MCTP1: variants seen among roughly 807,000 people sequenced by gnomAD.
The protein encoded by MCTP1 is multiple C2 and transmembrane domain containing 1.
A neutral mutation model predicts 120.6 loss-of-function variants in MCTP1; 69 were observed. That is an observed-to-expected ratio of 0.57 (90% confidence interval 0.47 to 0.70). MCTP1 has a LOEUF of 0.70. Among genes scored for constraint, MCTP1 ranks in the 30% least tolerant of loss-of-function variants. The pLI, the probability that MCTP1 is intolerant of heterozygous loss-of-function variation, is 0.00. For synonymous variants in MCTP1, 529 were observed against 493.1 expected, an observed-to-expected ratio of 1.07 and a Z score of -0.96; for missense variants, 1,203 against 1,248.8, an observed-to-expected ratio of 0.96 and a Z score of 0.55.
chr5:95,123,721 C>T (rs1444367180), intron 1 of MCTP1, among the ~76,000 whole-genome samples: 2 of 151,196 alleles, frequency 1.3e-5, no homozygotes, highest in African/African-American at 4.9e-5. Context: ...ACGATCTCGG[C>T]TCACTGCAAG....
chr5:95,047,382 T>C (rs1404747140), intron 1 of MCTP1, among the ~76,000 whole-genome samples: 1 of 152,166 alleles, frequency 6.6e-6, no homozygotes, highest in African/African-American at 2.4e-5. Context: ...ATGGCCAATT[T>C]ATTCTTTGAA....
chr5:95,141,151 A>T (rs1319747953), intron 1 of MCTP1, among the ~76,000 whole-genome samples: 1 of 152,230 alleles, frequency 6.6e-6, no homozygotes. Context: ...CAGCTTACTC[A>T]GGCTTATTAA....
intron 13 of MCTP1, 140 bp downstream of exon 13, chr5:94,872,999 T>C: frequency 3.2e-6 from 2 of 619,512 alleles, no homozygotes; most frequent in South Asian, 3.8e-5. Context: ...GGAAAATTCA[T>C]TGTTGTTAGC....
chr5:94,891,310 T>TG (rs1431875258), intron 11 of MCTP1, among the ~76,000 whole-genome samples: 1 of 152,188 alleles, frequency 6.6e-6, no homozygotes, highest in Non-Finnish European at 1.5e-5. Context: ...GGTTTCACTG[T>TG]GGGGGCGTTA....
intron 1 of MCTP1, among the ~76,000 whole-genome samples, chr5:95,232,188 T>C (rs1755037359): frequency 8.1e-6 from 1 of 122,882 alleles, no homozygotes; most frequent in Non-Finnish European, 1.7e-5. Flanking sequence ...CAGTCATAGC[T>C]AATAAACAAA....
At chr5:95,005,034 C>T (rs1052633183) in intron 2 of MCTP1, among the ~76,000 whole-genome samples, 13 of 152,208 alleles carry the variant, frequency 8.5e-5, no homozygotes, top group Non-Finnish European at 4.4e-5. Context: ...GCCACAGGGG[C>T]AGAGCTGCCC....
At chr5:94,814,849 C>G (rs942422968) in intron 17 of MCTP1, among the ~76,000 whole-genome samples, 4 of 152,112 alleles carry the variant, frequency 2.6e-5, no homozygotes, top group African/African-American at 9.7e-5. Flanking sequence ...CTGAAGAAAG[C>G]ACTACTGGAT....
intron 1 of MCTP1, among the ~76,000 whole-genome samples, chr5:95,027,414 G>C (rs1388694260): frequency 6.6e-6 from 1 of 152,184 alleles, no homozygotes; most frequent in Non-Finnish European, 1.5e-5. Flanking sequence ...AGGCAAAGAT[G>C]ATTAGAATGA....
chr5:94,719,142 TA>T (rs1303110627), intron 19 of MCTP1, among the ~76,000 whole-genome samples: 1 of 152,204 alleles, frequency 6.6e-6, no homozygotes, highest in Non-Finnish European at 1.5e-5. Flanking sequence ...TGGCTATTAT[TA>T]AAAAGTCAAG....
At chr5:95,204,176 C>T (rs1751373822) in intron 1 of MCTP1, among the ~76,000 whole-genome samples, 2 of 152,054 alleles carry the variant, frequency 1.3e-5, no homozygotes, top group Admixed American at 6.6e-5. Context: ...TCAATTTATT[C>T]CATTCCTATA....
chr5:95,131,065 T>C (rs1336195690), intron 1 of MCTP1, among the ~76,000 whole-genome samples: 1 of 152,234 alleles, frequency 6.6e-6, no homozygotes, highest in African/African-American at 2.4e-5. Context: ...TTCTGAGAAC[T>C]GCTAGTGGCC....
chr5:95,181,499 G>C (rs776355872), intron 1 of MCTP1, among the ~76,000 whole-genome samples: 1 of 152,124 alleles, frequency 6.6e-6, no homozygotes, highest in East Asian at 1.9e-4. Flanking sequence ...ATATAAAAGA[G>C]CACTTCCTGT....
chr5:94,778,103 T>C (rs1225647709), intron 19 of MCTP1, among the ~76,000 whole-genome samples: 1 of 152,128 alleles, frequency 6.6e-6, no homozygotes, highest in East Asian at 1.9e-4. Context: ...ACACAAATTC[T>C]TACACTGGGA....
chr5:94,904,198 C>T (rs969880241), intron 10 of MCTP1, among the ~76,000 whole-genome samples: 1 of 152,170 alleles, frequency 6.6e-6, no homozygotes, highest in African/African-American at 2.4e-5. Context: ...TTTTACTGAG[C>T]ACTCCATGGC....
chr5:94,820,036 T>C (rs1785302297), intron 17 of MCTP1, among the ~76,000 whole-genome samples: 1 of 152,212 alleles, frequency 6.6e-6, no homozygotes, highest in Admixed American at 6.5e-5. Context: ...TCTACCCTCT[T>C]TTACACCATG....
At chr5:94,957,409 C>T (rs1822910995) in intron 2 of MCTP1, among the ~76,000 whole-genome samples, 1 of 152,096 alleles carries the variant, frequency 6.6e-6, no homozygotes, top group Non-Finnish European at 1.5e-5. Flanking sequence ...CAAATTCACA[C>T]ATAATAATAT....
At chr5:95,074,348 G>A (rs1487974737) in intron 1 of MCTP1, among the ~76,000 whole-genome samples, 4 of 152,176 alleles carry the variant, frequency 2.6e-5, no homozygotes, top group African/African-American at 7.2e-5. Context: ...CTTGGGTGTG[G>A]CCACCCAACT....
chr5:94,749,828 A>C lies in MCTP1; in HGVS notation c.2610+29282T>G, dbSNP rs74990429. On this transcript the variant is annotated intron_variant, in intron 19 of 22. Transcript: ENST00000515393. ...GGGCCAAGAGCTATAAATACATTTT[A>C]TCAATGCTGTAAGGTAAGCACTGTT... is the stretch of plus-strand genomic sequence containing the variant. 3.9e-3 allele frequency among the ~76,000 whole-genome samples: 601 copies of C among 152,288 alleles called. 5 individuals carry two copies. Among genetic ancestry groups the C allele is most frequent in the African/African-American group, 0.014 (585 of 41,550 alleles).
intron 12 of MCTP1, among the ~76,000 whole-genome samples, chr5:94,886,620 A>G (rs1435024864): frequency 6.6e-6 from 1 of 152,228 alleles, no homozygotes; most frequent in Non-Finnish European, 1.5e-5. Flanking sequence ...GTTACCAGTG[A>G]TTTAAAAACT....
Sources: gnomAD v4.1 joint callset for allele counts (sites outside exome capture counted in the v4.1 genomes callset) on GRCh38, gnomAD v4.1.1 for gene constraint, MANE v1.5 for transcripts, NCBI Gene and HGNC (gene_info 2026-07-23, HGNC 2026-07-21) for gene names.